The following GABRB3 variants were observed in gnomAD, a reference collection of about 807,000 sequenced individuals.
GABRB3 encodes gamma-aminobutyric acid type A receptor subunit beta3.
GABRB3 carries 14 observed loss-of-function variants against 52.1 expected under a neutral mutation model. The ratio of observed to expected loss-of-function variants is 0.27; its 90% CI spans 0.18 to 0.42. The LOEUF (loss-of-function observed/expected upper bound fraction) is 0.42, where lower values mean the gene tolerates loss of function less well. GABRB3 is among the 10% of genes least tolerant of loss of function. GABRB3 has a pLI of 1.00. For synonymous variants in GABRB3, 260 were observed against 232.3 expected, an observed-to-expected ratio of 1.12 and a Z score of -1.08; for missense variants, 307 against 609.1, an observed-to-expected ratio of 0.50 and a Z score of 5.22.
At chr15:26,554,190 A>ATAAAGTATAT in intron 8 of GABRB3, among the ~76,000 whole-genome samples, 1 of 31,542 alleles carries the variant, frequency 3.2e-5, no homozygotes, top group African/African-American at 8.5e-5. Context: ...ATATATATAT[A>ATAAAGTATAT]CTATATATAT....
At chr15:26,685,258 C>T (rs1888365136) in intron 3 of GABRB3, among the ~76,000 whole-genome samples, 1 of 152,222 alleles carries the variant, frequency 6.6e-6, no homozygotes, top group East Asian at 1.9e-4. Flanking sequence ...CTCGTCTTCT[C>T]AGTGTCTGCT....
chr15:26,752,051 C>G (rs1167099150), intron 3 of GABRB3, among the ~76,000 whole-genome samples: 1 of 151,920 alleles, frequency 6.6e-6, no homozygotes, highest in African/African-American at 2.4e-5. Flanking sequence ...AAGTCAACAA[C>G]CTAGTGTTAT....
intron 6 of GABRB3, among the ~76,000 whole-genome samples, chr15:26,579,487 C>T (rs1471139230): frequency 6.6e-6 from 1 of 152,250 alleles, no homozygotes; most frequent in Non-Finnish European, 1.5e-5. Flanking sequence ...AACCCATTCA[C>T]TGGCTTCATG....
At chr15:26,584,393 G>A (rs182425381) in intron 4 of GABRB3, among the ~76,000 whole-genome samples, 1 of 152,258 alleles carries the variant, frequency 6.6e-6, no homozygotes, top group African/African-American at 2.4e-5. Context: ...AGTAGCTACA[G>A]ATACACTTTG....
At chr15:26,641,912 C>A (rs1893212387) in intron 3 of GABRB3, among the ~76,000 whole-genome samples, 1 of 150,766 alleles carries the variant, frequency 6.6e-6, no homozygotes, top group African/African-American at 2.4e-5. Flanking sequence ...TTTTTAGAGA[C>A]AAGGTCTCAC....
Position 26,655,480 on chromosome 15 carries a change from C to T in GABRB3, c.241-33946G>A, listed in dbSNP as rs186502017. Among the ~76,000 whole-genome samples the T allele has an allele frequency of 5.9e-3, 898 of 152,162 alleles. 8 individuals are homozygous for T. Among genetic ancestry groups the T allele is most frequent in the Middle Eastern group, 0.014 (4 of 294 alleles). ...GGTTTAGGCCAGGCATGGTGGTTCA[C>T]GCCTGTAATCCCAGCACTTTGGGAG... On this transcript the variant is annotated intron_variant, in intron 3 of 8. Coordinates refer to ENST00000311550, the MANE Select transcript of GABRB3 (RefSeq NM_000814.6).
At position 26,647,001 on chromosome 15, in the gene GABRB3, G is replaced by A. The variant is rs149190399; in HGVS notation, c.241-25467C>T. On this transcript the variant is annotated intron_variant, in intron 3 of 8. Coordinates refer to ENST00000311550, the MANE Select transcript of GABRB3 (RefSeq NM_000814.6). ...TGGGACTACAGGCACCTGCCACCAC[G>A]CCTGGATAATTTTTTGTATTTTTAG... 7.2e-3 allele frequency among the ~76,000 whole-genome samples: 1,090 copies of A among 152,128 alleles called. 17 individuals carry two copies. The highest frequency in any genetic ancestry group is 0.025 in the African/African-American group (1,057 of 41,500).
At position 26,543,900 on chromosome 15, in the gene GABRB3, G is replaced by A. The variant is rs1231794974; in HGVS notation, c.*3893C>T. 1 of 152,598 alleles carries A rather than the reference G, an allele frequency of 6.6e-6. No individual in the cohort carries two copies. The highest frequency in any genetic ancestry group is 2.4e-5 in the African/African-American group (1 of 41,436). 9.5% of individuals were successfully genotyped at this position (152,598 alleles called of 1,614,324 possible). A position where few individuals can be genotyped will look rare whatever the true frequency, so the allele number is the denominator to read the frequency against. ...TCTCTGGAAGGTCATTGTTTACCCA[G>A]GTGTTGGGAATTTAGTATTTCAGGA... On this transcript the variant is annotated 3_prime_UTR_variant, in exon 9 of 9. Coordinates refer to ENST00000311550, the MANE Select transcript of GABRB3 (RefSeq NM_000814.6).
intron 3 of GABRB3, among the ~76,000 whole-genome samples, chr15:26,745,061 C>CAAG (rs1890302585): frequency 6.6e-6 from 1 of 152,026 alleles, no homozygotes; most frequent in Non-Finnish European, 1.5e-5. Context: ...AGAACAGGAG[C>CAAG]AAGAGAGTGA....
At chr15:26,566,681 G>GC (rs1336003087) in intron 7 of GABRB3, among the ~76,000 whole-genome samples, 1 of 151,992 alleles carries the variant, frequency 6.6e-6, no homozygotes, top group Non-Finnish European at 1.5e-5. Context: ...AGCCGTAATC[G>GC]CAATTATGCC....
intron 3 of GABRB3, among the ~76,000 whole-genome samples, chr15:26,682,473 C>T (rs757530279): frequency 1.5e-4 from 23 of 152,172 alleles, no homozygotes; most frequent in Non-Finnish European, 2.5e-4. Context: ...GCAGGATGTA[C>T]AGACACGGAG....
At chr15:26,633,225 T>C (rs1892956321) in intron 3 of GABRB3, among the ~76,000 whole-genome samples, 1 of 152,218 alleles carries the variant, frequency 6.6e-6, no homozygotes, top group Non-Finnish European at 1.5e-5. Context: ...TAAAACATTT[T>C]TTCTGCTGTG....
chr15:26,734,523 C>T (rs1890016624), intron 3 of GABRB3, among the ~76,000 whole-genome samples: 2 of 151,474 alleles, frequency 1.3e-5, no homozygotes, highest in African/African-American at 4.9e-5. Context: ...CTCATGCCTG[C>T]AATCTCAGGA....
At chr15:26,772,829 GC>G in intron 1 of GABRB3, 53 bp downstream of exon 1, 6 of 1,459,764 alleles carry the variant, frequency 4.1e-6, no homozygotes, top group Non-Finnish European at 4.5e-6. Context: ...AGCCGCCAGC[GC>G]CCCGCGCACC....
rs184242714 is a variant in GABRB3, at chr15:26,554,504, T to C, written c.1081-6370A>G. Among the ~76,000 whole-genome samples, 76 of 152,144 alleles carry C rather than the reference T, an allele frequency of 5.0e-4. 2 individuals carry two copies. The highest frequency in any genetic ancestry group is 4.3e-3 in the East Asian group (22 of 5,142). On this transcript the variant is annotated intron_variant, in intron 8 of 8. Transcript: ENST00000311550. ...TGCAATCTGTTTAGTCAGATGAACTTTGACGATTCTAATGACTCAGTTTTA... is the reference window on the plus strand; with the variant it reads ...TGCAATCTGTTTAGTCAGATGAACTCTGACGATTCTAATGACTCAGTTTTA...
intron 3 of GABRB3, among the ~76,000 whole-genome samples, chr15:26,643,590 A>AG (rs1893270142): frequency 1.3e-4 from 1 of 7,432 alleles, no homozygotes; most frequent in Admixed American, 2.1e-3. Flanking sequence ...GGAGAACGTA[A>AG]TGAACCAACA....
intron 3 of GABRB3, among the ~76,000 whole-genome samples, chr15:26,743,356 G>C (rs920157758): frequency 6.6e-6 from 1 of 152,284 alleles, no homozygotes; most frequent in East Asian, 1.9e-4. Context: ...ATTTCAGGTA[G>C]GAGTTGAATC....
At chr15:26,765,305 T>C (rs1219141409) in intron 3 of GABRB3, among the ~76,000 whole-genome samples, 1 of 152,138 alleles carries the variant, frequency 6.6e-6, no homozygotes, top group Non-Finnish European at 1.5e-5. Flanking sequence ...TCCTTTACTC[T>C]TCTTTCTGCT....
In GABRB3 at chr15:26,580,399, G is replaced by T. The variant is rs1890746009; in HGVS notation, c.602C>A (p.Thr201Asn). Residue 201 changes from threonine to asparagine, a missense_variant, in exon 6 of 9, where the codon ACC becomes AAC. By Grantham distance (65) the Thr-to-Asn change is moderately conservative. Coordinates refer to ENST00000311550, the MANE Select transcript of GABRB3 (RefSeq NM_000814.6). ...CGGGAGCTCAATCCTTTCCACTCCG[G>T]TAACAGCCTTGTCCCCGCCTCGCCA... ...FYWRGGDKAV[T>N]GVERIELPQF... 1.2e-6 allele frequency: 2 copies of T among 1,614,136 alleles called. No homozygotes were observed. The highest frequency in any genetic ancestry group is 1.3e-5 in the African/African-American group (1 of 75,026).
Sources: gnomAD v4.1 joint callset for allele counts (sites outside exome capture counted in the v4.1 genomes callset) on GRCh38, gnomAD v4.1.1 for gene constraint, MANE v1.5 for transcripts, NCBI Gene and HGNC (gene_info 2026-07-23, HGNC 2026-07-21) for gene names.